Variants in GRK5 observed in about 807,000 individuals in gnomAD.
GRK5 encodes the protein G protein-coupled receptor kinase 5, also known as g protein-coupled receptor kinase GRK5.
GRK5 carries 40 observed loss-of-function variants against 78.4 expected under a neutral mutation model. The ratio of observed to expected loss-of-function variants is 0.51; its 90% CI spans 0.40 to 0.66. The LOEUF (loss-of-function observed/expected upper bound fraction) is 0.66, where lower values mean the gene tolerates loss of function less well. GRK5 is among the 30% of genes least tolerant of loss of function. The probability of loss-of-function intolerance (pLI) is 0.00; values close to 1 mark genes in which losing one functional copy is unlikely to be tolerated. For synonymous variants in GRK5, 289 were observed against 296.8 expected (o/e 0.97, Z 0.27); for missense variants, 598 against 759.9 (o/e 0.79, Z 2.50).
chr10:119,339,688 T>G (rs1564897177), intron 2 of GRK5, among the ~76,000 whole-genome samples: 2 of 151,536 alleles, frequency 1.3e-5, no homozygotes, highest in Non-Finnish European at 1.5e-5. Context: ...GAGCTCAGAG[T>G]TCAAGATCAG....
chr10:119,207,680 GA>G lies in GRK5; in HGVS notation c.-237del. 1 of 415,294 alleles carries G rather than the reference GA, an allele frequency of 2.4e-6. No individual in the cohort carries two copies. Among genetic ancestry groups the G allele is most frequent in the East Asian group, 5.4e-5 (1 of 18,632 alleles). 25.7% of individuals were successfully genotyped at this position (415,294 alleles called of 1,614,324 possible). ...GGGGGGAGCGTGTTGAGGGAGGGGGGAGGGGGGACACAGAGGGAGGAAGAAG... is the reference window on the plus strand; with the variant it reads ...GGGGGGAGCGTGTTGAGGGAGGGGGGGGGGGGACACAGAGGGAGGAAGAAG... On this transcript the variant is annotated 5_prime_UTR_variant, in exon 1 of 16. Coordinates refer to ENST00000392870, the MANE Select transcript of GRK5 (RefSeq NM_005308.3).
Position 119,253,923 on chromosome 10 carries a change from A to T in GRK5, c.52+45954A>T, listed in dbSNP as rs1352567794. ...TTTCATGAGGCACACTTATTTTCAG[A>T]TGTTCACATGGACTCTTTTTGAGAT... On this transcript the variant is annotated intron_variant, in intron 1 of 15. Transcript: ENST00000392870. The surrounding 1 kb of genome is among the most constrained non-coding windows in gnomAD (Gnocchi z 5.7). Among the ~76,000 whole-genome samples, 1 of 151,910 alleles carries T rather than the reference A, an allele frequency of 6.6e-6. No individual in the cohort carries two copies. The highest frequency in any genetic ancestry group is 1.5e-5 in the Non-Finnish European group (1 of 67,992).
At chr10:119,404,233 A>G (rs2133862703) in intron 4 of GRK5, among the ~76,000 whole-genome samples, 1 of 152,210 alleles carries the variant, frequency 6.6e-6, no homozygotes, top group African/African-American at 2.4e-5. Flanking sequence ...TGGTGTCTTG[A>G]TGTGATTCTG....
At chr10:119,365,622 G>A (rs1851435731) in intron 2 of GRK5, among the ~76,000 whole-genome samples, 1 of 152,200 alleles carries the variant, frequency 6.6e-6, no homozygotes, top group South Asian at 2.1e-4. Flanking sequence ...CAGCTAGGCA[G>A]GAGGCTAAGC....
In GRK5 at chr10:119,264,798, C is replaced by T. The variant is rs1254535276; in HGVS notation, c.52+56829C>T. ...AAAACCACACTTACCCACTACATGC[C>T]CTGCCCACTCCCTTTTCCTCCTGGC... On this transcript the variant is annotated intron_variant, in intron 1 of 15. Transcript: ENST00000392870. The surrounding 1 kb of genome is among the most constrained non-coding windows in gnomAD (Gnocchi z 4.1). Among the ~76,000 whole-genome samples, 1 of 152,186 alleles carries T rather than the reference C, an allele frequency of 6.6e-6. No homozygotes were observed. Among genetic ancestry groups the T allele is most frequent in the East Asian group, 1.9e-4 (1 of 5,192 alleles).
intron 2 of GRK5, among the ~76,000 whole-genome samples, chr10:119,351,971 A>G (rs1166401978): frequency 6.6e-6 from 1 of 152,188 alleles, no homozygotes. Context: ...AATTGATCAA[A>G]TTAAAAAGTG....
chr10:119,405,627 C>T (rs556945907), intron 4 of GRK5, among the ~76,000 whole-genome samples: 2 of 151,414 alleles, frequency 1.3e-5, no homozygotes, highest in African/African-American at 2.4e-5. Flanking sequence ...CACGGCTCCT[C>T]GGCCTCTGGC....
chr10:119,341,378 T>G (rs1589754076), intron 2 of GRK5, among the ~76,000 whole-genome samples: 1 of 152,338 alleles, frequency 6.6e-6, no homozygotes, highest in South Asian at 2.1e-4. Context: ...CTGCTTCAGC[T>G]TCACCCCTGC....
At chr10:119,309,361 G>A (rs995593719) in intron 1 of GRK5, among the ~76,000 whole-genome samples, 1 of 152,220 alleles carries the variant, frequency 6.6e-6, no homozygotes, top group Admixed American at 6.5e-5. Flanking sequence ...GAAGAACTCT[G>A]GGGGAGGCAG....
intron 2 of GRK5, among the ~76,000 whole-genome samples, chr10:119,340,075 G>A (rs1406433484): frequency 6.6e-6 from 1 of 152,112 alleles, no homozygotes; most frequent in Non-Finnish European, 1.5e-5. Flanking sequence ...CCTGTTTGAC[G>A]ATTGATGCTG....
At chr10:119,232,556 G>A (rs1016417235) in intron 1 of GRK5, among the ~76,000 whole-genome samples, 5 of 152,134 alleles carry the variant, frequency 3.3e-5, no homozygotes, top group East Asian at 1.9e-4. Flanking sequence ...GGAGGGGCCC[G>A]TGGGAGGTAA....
intron 10 of GRK5, among the ~76,000 whole-genome samples, chr10:119,441,756 G>C (rs1395143263): frequency 6.6e-6 from 1 of 152,198 alleles, no homozygotes; most frequent in East Asian, 1.9e-4. Flanking sequence ...CGTCCAGCCG[G>C]GTCCAGGCAT....
intron 1 of GRK5, among the ~76,000 whole-genome samples, chr10:119,277,438 C>G (rs1258129773): frequency 6.6e-6 from 1 of 151,920 alleles, no homozygotes; most frequent in East Asian, 1.9e-4. Context: ...CATTCTGTAC[C>G]TGCTCCAGGG....
At chr10:119,424,375 C>T (rs1852630661) in intron 5 of GRK5, among the ~76,000 whole-genome samples, 1 of 152,228 alleles carries the variant, frequency 6.6e-6, no homozygotes, top group South Asian at 2.1e-4. Context: ...GTTTCAGAAC[C>T]TGCCCTGATG....
At chr10:119,247,987 A>G (rs75591969) in intron 1 of GRK5, among the ~76,000 whole-genome samples, 3,221 of 152,306 alleles carry the variant, frequency 0.021, 58 homozygotes, top group Admixed American at 0.054. Context: ...ACAAGTGTTT[A>G]TATCCATATG....
intron 1 of GRK5, among the ~76,000 whole-genome samples, chr10:119,313,023 GTAATGGCAGTGGTGA>G (rs1434195940): frequency 1.9e-4 from 29 of 148,764 alleles, no homozygotes; most frequent in Non-Finnish European, 4.0e-4. Context: ...GATGGTAGTG[GTAATGGCAGTGGTGA>G]TGGTGGTGGT....
intron 2 of GRK5, among the ~76,000 whole-genome samples, chr10:119,328,916 A>G (rs1438383430): frequency 6.6e-6 from 1 of 152,246 alleles, no homozygotes; most frequent in Non-Finnish European, 1.5e-5. Flanking sequence ...AATGAGCTCC[A>G]GACCAGAGTC....
chr10:119,222,285 A>G (rs761397831), intron 1 of GRK5, among the ~76,000 whole-genome samples: 8 of 149,714 alleles, frequency 5.3e-5, no homozygotes, highest in Admixed American at 2.0e-4. Context: ...CTAGGGAGCC[A>G]TTGTTCCCAT....
chr10:119,430,320 GT>G lies in GRK5; in HGVS notation c.534-54del. The G allele has an allele frequency of 6.7e-7, 1 of 1,502,112 alleles. No homozygotes were observed. Among genetic ancestry groups the G allele is most frequent in the South Asian group, 1.1e-5 (1 of 88,248 alleles). 93.0% of individuals were successfully genotyped at this position (1,502,112 alleles called of 1,614,324 possible). On this transcript the variant is annotated intron_variant, in intron 6 of 15. Transcript: ENST00000392870. This position sits in a 1 kb window ranked among gnomAD's most constrained non-coding sequence, Gnocchi z 4.5. ...TGCTCTCAATGTGCCACTGTTTCCT[GT>G]GGATTCTGAGTCTTGGCACCATGAG...
Sources: allele counts gnomAD v4.1 joint callset (sites outside exome capture counted in the v4.1 genomes callset), GRCh38; gene constraint gnomAD v4.1.1; non-coding constraint Gnocchi (gnomAD v3.1); transcripts MANE v1.5; gene names NCBI Gene and HGNC (gene_info 2026-07-23, HGNC 2026-07-21).